The following GHR variants were observed in gnomAD, a reference collection of about 807,000 sequenced individuals.
The protein encoded by GHR is GH receptor.
A neutral mutation model predicts 67.1 loss-of-function variants in GHR; 35 were observed. That is an observed-to-expected ratio of 0.52 (90% CI 0.40 to 0.69). The LOEUF (loss-of-function observed/expected upper bound fraction) is 0.69. Ranked by LOEUF, GHR falls within the 30% of genes least tolerant of loss-of-function variation. The pLI is 0.00. For synonymous variants in GHR, 272 were observed against 269.1 expected (o/e 1.01, Z -0.10); for missense variants, 792 against 764.6 (o/e 1.04, Z -0.42).
intron 1 of GHR, among the ~76,000 whole-genome samples, chr5:42,533,427 T>G (rs1748068090): frequency 6.6e-6 from 1 of 152,002 alleles, no homozygotes; most frequent in Non-Finnish European, 1.5e-5. Flanking sequence ...ATTTTAATTT[T>G]GTTCATGGCA....
In GHR at chr5:42,720,256, G is replaced by T. The variant is rs1006780293; in HGVS notation, c.*832G>T. The T allele has an allele frequency of 6.6e-6, 1 of 152,112 alleles. No individual in the cohort carries two copies. Among genetic ancestry groups the T allele is most frequent in the Non-Finnish European group, 1.5e-5 (1 of 68,022 alleles). 9.4% of individuals were successfully genotyped at this position (152,112 alleles called of 1,614,324 possible). Reference sequence around the variant, plus strand: ...TTGTTAATTTAGAAAACTTTAAAGCGTTTGCACAGATCAACTTACCAGGCA... The same window carrying T: ...TTGTTAATTTAGAAAACTTTAAAGCTTTTGCACAGATCAACTTACCAGGCA... On this transcript the variant is annotated 3_prime_UTR_variant, in exon 10 of 10. Coordinates refer to ENST00000230882, the MANE Select transcript of GHR (RefSeq NM_000163.5).
At chr5:42,485,402 CATA>C (rs1435448291) in intron 1 of GHR, among the ~76,000 whole-genome samples, 4 of 152,180 alleles carry the variant, frequency 2.6e-5, no homozygotes, top group Non-Finnish European at 5.9e-5. Flanking sequence ...TAGCCTTCAT[CATA>C]ATATGTTTTG....
At chr5:42,638,598 A>G (rs1754317239) in intron 3 of GHR, among the ~76,000 whole-genome samples, 1 of 152,214 alleles carries the variant, frequency 6.6e-6, no homozygotes, top group Non-Finnish European at 1.5e-5. Flanking sequence ...GTATTTATGT[A>G]TCTAAACATA....
At chr5:42,448,891 G>A (rs375903309) in intron 1 of GHR, among the ~76,000 whole-genome samples, 4 of 152,082 alleles carry the variant, frequency 2.6e-5, no homozygotes, top group Non-Finnish European at 5.9e-5. Context: ...TGACTAGGGT[G>A]TCCTTTCCCC....
chr5:42,536,224 G>A (rs552294897), intron 1 of GHR, among the ~76,000 whole-genome samples: 2 of 152,218 alleles, frequency 1.3e-5, no homozygotes, highest in Admixed American at 6.5e-5. Context: ...GCGAGAGTGG[G>A]CATCCTTGTC....
At chr5:42,654,028 C>A (rs1023534131) in intron 3 of GHR, among the ~76,000 whole-genome samples, 5 of 152,130 alleles carry the variant, frequency 3.3e-5, no homozygotes, top group Non-Finnish European at 7.4e-5. Context: ...GCTATTCACT[C>A]TTTTTTCCTA....
intron 3 of GHR, among the ~76,000 whole-genome samples, chr5:42,645,471 C>CT (rs1754683797): frequency 1.3e-5 from 2 of 152,278 alleles, no homozygotes; most frequent in South Asian, 4.1e-4. Context: ...AACCAATAGG[C>CT]TTTTTATTTA....
chr5:42,474,063 C>G (rs775294925), intron 1 of GHR, among the ~76,000 whole-genome samples: 1 of 151,242 alleles, frequency 6.6e-6, no homozygotes. Context: ...GTGGTGCACA[C>G]CTATAATCCC....
At chr5:42,479,474 T>C (rs1745508080) in intron 1 of GHR, among the ~76,000 whole-genome samples, 1 of 152,214 alleles carries the variant, frequency 6.6e-6, no homozygotes, top group South Asian at 2.1e-4. Context: ...CAGCTTCTCC[T>C]TGTACCTCTG....
At chr5:42,463,256 A>G (rs530016734) in intron 1 of GHR, among the ~76,000 whole-genome samples, 40 of 152,240 alleles carry the variant, frequency 2.6e-4, no homozygotes, top group Non-Finnish European at 2.8e-4. Flanking sequence ...CTATAAATGT[A>G]TATTGAGAGA....
In GHR at chr5:42,645,534, A is replaced by G. The variant is rs35227546; in HGVS notation, c.136+16431A>G. On this transcript the variant is annotated intron_variant, in intron 3 of 9. Coordinates refer to ENST00000230882, the MANE Select transcript of GHR (RefSeq NM_000163.5). ...AGAACCAGTTAGTTGCCATTTTCTA[A>G]ATGCAGGCTTTTGTTTGTTTCTGCC... 3.8e-3 allele frequency among the ~76,000 whole-genome samples: 584 copies of G among 152,358 alleles called. 3 individuals are homozygous for G. The highest frequency in any genetic ancestry group is 0.013 in the African/African-American group (551 of 41,590).
intron 1 of GHR, among the ~76,000 whole-genome samples, chr5:42,523,198 G>T (rs927732298): frequency 7.9e-5 from 12 of 152,162 alleles, no homozygotes; most frequent in African/African-American, 2.9e-4. Flanking sequence ...ATTCTAGATG[G>T]TTCAACTCTG....
At chr5:42,451,467 C>T (rs1357853982) in intron 1 of GHR, among the ~76,000 whole-genome samples, 5 of 151,628 alleles carry the variant, frequency 3.3e-5, no homozygotes, top group Admixed American at 6.6e-5. Context: ...CTAGACTGGC[C>T]GCAGTGGCTC....
intron 3 of GHR, among the ~76,000 whole-genome samples, chr5:42,639,498 A>G (rs1422955477): frequency 6.6e-6 from 1 of 152,046 alleles, no homozygotes; most frequent in East Asian, 1.9e-4. Flanking sequence ...TTTATCTCCT[A>G]CTATGCCTTA....
intron 6 of GHR, among the ~76,000 whole-genome samples, chr5:42,708,398 C>G (rs1758285977): frequency 6.6e-6 from 1 of 152,040 alleles, no homozygotes; most frequent in Non-Finnish European, 1.5e-5. Context: ...AAAACAGTAT[C>G]ACTCTTCTCA....
At chr5:42,432,279 A>T (rs1013558414) in intron 1 of GHR, among the ~76,000 whole-genome samples, 2 of 152,208 alleles carry the variant, frequency 1.3e-5, no homozygotes, top group African/African-American at 4.8e-5. Flanking sequence ...TAAAACTTTG[A>T]ATTGCCATAT....
chr5:42,552,417 G>C (rs1749081237), intron 1 of GHR, among the ~76,000 whole-genome samples: 1 of 152,076 alleles, frequency 6.6e-6, no homozygotes, highest in Non-Finnish European at 1.5e-5. Flanking sequence ...AAGTTTCCTG[G>C]TTTGACCTGA....
intron 2 of GHR, among the ~76,000 whole-genome samples, chr5:42,608,339 A>T (rs1580048571): frequency 6.6e-6 from 1 of 152,198 alleles, no homozygotes; most frequent in Non-Finnish European, 1.5e-5. Context: ...TTTTTTTTGT[A>T]GTACAAAGTT....
intron 2 of GHR, among the ~76,000 whole-genome samples, chr5:42,569,764 A>G (rs1579958410): frequency 6.7e-6 from 1 of 149,930 alleles, no homozygotes; most frequent in Non-Finnish European, 1.5e-5. Context: ...CACTATATGT[A>G]TATAGTATAT....
Sources: allele counts gnomAD v4.1 joint callset (sites outside exome capture counted in the v4.1 genomes callset), GRCh38; gene constraint gnomAD v4.1.1; transcripts MANE v1.5; gene names NCBI Gene and HGNC (gene_info 2026-07-23, HGNC 2026-07-21).